The following SLC4A5 variants were observed in gnomAD, a reference collection of about 807,000 sequenced individuals.
SLC4A5 encodes electrogenic sodium bicarbonate cotransporter 4.
SLC4A5 carries 96 observed loss-of-function variants against 120.4 expected under a neutral mutation model. That is an observed-to-expected ratio of 0.80 (90% CI 0.68 to 0.94). The LOEUF is 0.94. Among genes scored for constraint, SLC4A5 ranks in the 40% least tolerant of loss-of-function variants. The pLI is 0.00. For synonymous variants in SLC4A5, 550 were observed against 571.1 expected (o/e 0.96, Z 0.53); for missense variants, 1,259 against 1,459.5 (o/e 0.86, Z 2.24).
At chr2:74,319,526 T>C (rs1167612116) in intron 5 of SLC4A5, 1 of 152,174 alleles carries the variant, frequency 6.6e-6, no homozygotes, top group African/African-American at 2.4e-5. Context: ...TGTCATAGGT[T>C]TGTTTAATAT....
intron 5 of SLC4A5, among the ~76,000 whole-genome samples, chr2:74,323,224 G>GTTCCACCTT (rs1673137913): frequency 6.6e-6 from 1 of 152,130 alleles, no homozygotes; most frequent in South Asian, 2.1e-4. Context: ...AGGTGACAGA[G>GTTCCACCTT]TGAGACTCTG....
exon 22 of SLC4A5, chr2:74,235,129 G>A (rs144083187): frequency 1.9e-6 from 3 of 1,614,020 alleles, no homozygotes; most frequent in Non-Finnish European, 2.5e-6. Flanking sequence ...ATGCAGCTTG[G>A]GAGTTTCTAG....
In SLC4A5 at chr2:74,221,503, T is replaced by C; in HGVS notation, c.3332-2A>G. On this transcript the variant is annotated splice_acceptor_variant, in intron 29 of 30. Transcript: ENST00000394019. LOFTEE classifies it high-confidence loss of function. Reference sequence around the variant, plus strand: ...AACTCCAACTGGAAGATCTTTTTCCTGGCAGGAAAATGAAAAATGTCAGAT... The same window carrying C: ...AACTCCAACTGGAAGATCTTTTTCCCGGCAGGAAAATGAAAAATGTCAGAT... 1 of 1,614,148 alleles carries C rather than the reference T, an allele frequency of 6.2e-7. No homozygotes were observed. The highest frequency in any genetic ancestry group is 8.5e-7 in the Non-Finnish European group (1 of 1,179,952).
intron 19 of SLC4A5, among the ~76,000 whole-genome samples, chr2:74,244,238 G>A (rs1352862283): frequency 6.6e-6 from 1 of 152,228 alleles, no homozygotes; most frequent in East Asian, 1.9e-4. Context: ...GGGGTTTAGT[G>A]GTCAATAACG....
chr2:74,235,100 C>G lies in SLC4A5; in HGVS notation c.2433+1G>C. 1.9e-6 allele frequency: 3 copies of G among 1,613,248 alleles called. No individual in the cohort carries two copies. The highest frequency in any genetic ancestry group is 2.5e-6 in the Non-Finnish European group (3 of 1,179,298). On this transcript the variant is annotated splice_donor_variant, in intron 22 of 30. Coordinates refer to ENST00000394019, the Ensembl canonical transcript of SLC4A5. LOFTEE classifies it high-confidence loss of function. ...GCCCAGAGCGAGGGAAAGGGGCAAA[C>G]CTTGATGACACTGGGCACATGCAGC...
At chr2:74,296,866 T>C (rs1478939618) in intron 7 of SLC4A5, among the ~76,000 whole-genome samples, 3 of 151,768 alleles carry the variant, frequency 2.0e-5, no homozygotes, top group Non-Finnish European at 4.4e-5. Flanking sequence ...GACTCCTTAG[T>C]GCAGGAGATG....
chr2:74,230,144 G>T (rs1304536483), intron 25 of SLC4A5, among the ~76,000 whole-genome samples: 2 of 152,082 alleles, frequency 1.3e-5, no homozygotes, highest in East Asian at 3.9e-4. Flanking sequence ...CTGGTCATGA[G>T]CTGTTTTGAG....
At chr2:74,262,535 A>T (rs537166598) in intron 10 of SLC4A5, among the ~76,000 whole-genome samples, 1 of 151,862 alleles carries the variant, frequency 6.6e-6, no homozygotes, top group South Asian at 2.1e-4. Context: ...CCCTGTATCT[A>T]CTAAAATACA....
intron 5 of SLC4A5, among the ~76,000 whole-genome samples, chr2:74,325,916 AG>A (rs1673207060): frequency 6.6e-6 from 1 of 150,516 alleles, no homozygotes; most frequent in Non-Finnish European, 1.5e-5. Context: ...AGGAAAGGAA[AG>A]GAAAGGAGGG....
rs149774258 is a variant in SLC4A5 at position 74,299,421 on chromosome 2, C to T, written c.271+5068G>A. Among the ~76,000 whole-genome samples the T allele has an allele frequency of 5.1e-3, 770 of 152,322 alleles. 11 individuals carry two copies. Among genetic ancestry groups the T allele is most frequent in the African/African-American group, 0.017 (690 of 41,566 alleles). ...CAGTTCCCCTGCACATTCTCTCTTG[C>T]GTGCTGCCATGTAAAACATGCCTTT... On this transcript the variant is annotated intron_variant, in intron 7 of 30. Transcript: ENST00000394019.
intron 7 of SLC4A5, among the ~76,000 whole-genome samples, chr2:74,300,406 T>A (rs1048252465): frequency 3.9e-5 from 6 of 152,248 alleles, no homozygotes; most frequent in African/African-American, 1.4e-4. Flanking sequence ...GTGGTAATCA[T>A]CTCACAATGT....
chr2:74,279,817 G>C (rs1671752015), intron 8 of SLC4A5, among the ~76,000 whole-genome samples: 1 of 152,160 alleles, frequency 6.6e-6, no homozygotes, highest in African/African-American at 2.4e-5. Context: ...GCTCAGGTTG[G>C]AATTCTGGGT....
At chr2:74,305,871 C>T (rs1346531679) in intron 6 of SLC4A5, among the ~76,000 whole-genome samples, 5 of 151,888 alleles carry the variant, frequency 3.3e-5, no homozygotes, top group Non-Finnish European at 2.9e-5. Context: ...ATTACAGGCA[C>T]GCACCACCAT....
At chr2:74,252,866 G>T in intron 15 of SLC4A5, 108 bp downstream of exon 15, 1 of 1,336,826 alleles carries the variant, frequency 7.5e-7, no homozygotes, top group Non-Finnish European at 1.1e-6. Context: ...GAGATTACAG[G>T]CATGAGCCAC....
At chr2:74,309,069 C>T (rs930798877) in intron 6 of SLC4A5, among the ~76,000 whole-genome samples, 1 of 151,252 alleles carries the variant, frequency 6.6e-6, no homozygotes, top group Admixed American at 6.6e-5. Context: ...CATGCATCAC[C>T]ACACCCAGCT....
chr2:74,244,631 G>C (rs1670554395), intron 19 of SLC4A5, among the ~76,000 whole-genome samples: 1 of 150,886 alleles, frequency 6.6e-6, no homozygotes, highest in Non-Finnish European at 1.5e-5. Context: ...CTTAGAAATA[G>C]AGACAGGGTC....
intron 3 of SLC4A5, among the ~76,000 whole-genome samples, chr2:74,337,416 A>C (rs1673519284): frequency 6.7e-6 from 1 of 149,510 alleles, no homozygotes; most frequent in East Asian, 1.9e-4. Flanking sequence ...CCCCACCCCA[A>C]ACCCAAAATG....
In SLC4A5 at chr2:74,328,117, T is replaced by C; in HGVS notation, c.-3+3A>G. The stretch of plus-strand genomic sequence containing the variant: ...TCTCTGAAGCTTCCAGCTGCAAACT[T>C]ACCTTTGTGTTCTTAGCTCTGGAAA... On this transcript the variant is annotated splice_donor_region_variant and intron_variant, in intron 5 of 30. Coordinates refer to ENST00000394019, the Ensembl canonical transcript of SLC4A5. 2 of 985,864 alleles carry C rather than the reference T, an allele frequency of 2.0e-6. No individual in the cohort carries two copies. The highest frequency in any genetic ancestry group is 2.4e-6 in the Non-Finnish European group (2 of 829,926). 61.1% of individuals were successfully genotyped at this position (985,864 alleles called of 1,614,324 possible).
chr2:74,265,547 T>C (rs770103840), intron 8 of SLC4A5, among the ~76,000 whole-genome samples: 3 of 152,236 alleles, frequency 2.0e-5, no homozygotes, highest in African/African-American at 4.8e-5. Context: ...ATGGTGACAG[T>C]TGCACAATTC....
Sources: gnomAD v4.1 joint callset for allele counts (sites outside exome capture counted in the v4.1 genomes callset) on GRCh38, gnomAD v4.1.1 for gene constraint, MANE v1.5 for transcripts, NCBI Gene and HGNC (gene_info 2026-07-23, HGNC 2026-07-21) for gene names.